The following LTBP2 variants were observed in gnomAD, a reference collection of about 807,000 sequenced individuals.
The protein encoded by LTBP2 is latent transforming growth factor beta binding protein 2.
Under a neutral mutation model 210.6 loss-of-function variants are expected in LTBP2, and 103 were observed. The ratio of observed to expected loss-of-function variants is 0.49; its 90% CI spans 0.42 to 0.58. The LOEUF (loss-of-function observed/expected upper bound fraction) is 0.58, where lower values mean the gene tolerates loss of function less well. Among genes scored for constraint, LTBP2 ranks in the 20% least tolerant of loss-of-function variants. LTBP2 has a pLI of 0.00. For synonymous variants in LTBP2, 1,007 were observed against 1,015.0 expected, an observed-to-expected ratio of 0.99 and a Z score of 0.15; for missense variants, 2,313 against 2,494.5, an observed-to-expected ratio of 0.93 and a Z score of 1.55.
intron 3 of LTBP2, among the ~76,000 whole-genome samples, chr14:74,556,595 C>T (rs2087732566): frequency 6.6e-6 from 1 of 152,242 alleles, no homozygotes; most frequent in Non-Finnish European, 1.5e-5. Context: ...CAGCTCACTG[C>T]GGCCTCTGCC....
chr14:74,564,505 C>T (rs957183373), intron 3 of LTBP2, among the ~76,000 whole-genome samples: 5 of 146,378 alleles, frequency 3.4e-5, no homozygotes, highest in African/African-American at 1.3e-4. Flanking sequence ...AGCAATTCTT[C>T]TGCCTCAGCC....
intron 17 of LTBP2, among the ~76,000 whole-genome samples, chr14:74,518,417 C>T (rs2087161912): frequency 6.6e-6 from 1 of 152,210 alleles, no homozygotes; most frequent in South Asian, 2.1e-4. Flanking sequence ...CTACCCTCGC[C>T]TAACCTCAGG....
At chr14:74,502,212 G>A (rs943157055) in intron 34 of LTBP2, among the ~76,000 whole-genome samples, 7 of 152,036 alleles carry the variant, frequency 4.6e-5, no homozygotes, top group East Asian at 1.9e-4. Context: ...TGTTTGGATC[G>A]CACCATTCAC....
At chr14:74,522,462 T>C (rs531570677) in intron 16 of LTBP2, among the ~76,000 whole-genome samples, 6 of 152,144 alleles carry the variant, frequency 3.9e-5, no homozygotes, top group Admixed American at 1.3e-4. Flanking sequence ...CAGTCCTGGG[T>C]GTGCTCTCCA....
At chr14:74,509,393 C>G (rs1360317231) in intron 21 of LTBP2, 30 bp from the exon 22 acceptor site, 1 of 1,612,198 alleles carries the variant, frequency 6.2e-7, no homozygotes, top group African/African-American at 1.3e-5. Flanking sequence ...GCCCGGGGAC[C>G]TAGGAGGGCT....
chr14:74,549,789 G>A, intron 8 of LTBP2, 74 bp downstream of exon 8: 1 of 1,290,378 alleles, frequency 7.7e-7, no homozygotes, highest in Non-Finnish European at 1.1e-6. Flanking sequence ...TCCTGGAGGG[G>A]AAACCCTGGC....
intron 34 of LTBP2, among the ~76,000 whole-genome samples, chr14:74,502,226 C>G (rs1037527000): frequency 1.3e-5 from 2 of 152,158 alleles, no homozygotes; most frequent in African/African-American, 2.4e-5. Context: ...CATTCACAAA[C>G]CGAGTCATCA....
chr14:74,588,097 T>A (rs1393333144), intron 2 of LTBP2, among the ~76,000 whole-genome samples: 1 of 152,228 alleles, frequency 6.6e-6, no homozygotes, highest in Non-Finnish European at 1.5e-5. Flanking sequence ...CACTTCCCCA[T>A]GCTGGACACC....
chr14:74,610,475 C>G (rs535764025), intron 1 of LTBP2, among the ~76,000 whole-genome samples: 1 of 152,326 alleles, frequency 6.6e-6, no homozygotes, highest in Admixed American at 6.5e-5. Context: ...CAGGACTAAA[C>G]CCAACTGGCA....
rs774273568 is a variant in LTBP2, at chr14:74,508,867, G to A, written c.3489C>T (p.Pro1163=). 12 of 1,613,646 alleles carry A rather than the reference G, an allele frequency of 7.4e-6. No individual in the cohort carries two copies. Among genetic ancestry groups the A allele is most frequent in the Non-Finnish European group, 9.3e-6 (11 of 1,179,966 alleles). The part of the protein sequence containing the change: ...NTVGSYQCLC[P]QGFQLANGTV... ...TGCCATTGGCCAGCTGGAAGCCCTGGGGACAGAGGCACTGGTAGGAGCCCA... is the reference window on the plus strand; with the variant it reads ...TGCCATTGGCCAGCTGGAAGCCCTGAGGACAGAGGCACTGGTAGGAGCCCA... The change falls in exon 23 of 36, where the codon CCC becomes CCT. Residue 1163 remains proline, a synonymous_variant. Coordinates refer to ENST00000261978, the MANE Select transcript of LTBP2 (RefSeq NM_000428.3).
At chr14:74,506,325 G>C in intron 27 of LTBP2, 134 bp from the exon 28 acceptor site, 1 of 1,222,056 alleles carries the variant, frequency 8.2e-7, no homozygotes. Context: ...TAGATTTGTA[G>C]GGAGGAGGAA....
chr14:74,522,164 G>C, intron 16 of LTBP2, 125 bp from the exon 17 acceptor site: 1 of 1,122,444 alleles, frequency 8.9e-7, no homozygotes, highest in Non-Finnish European at 1.3e-6. Flanking sequence ...AGGAAGGGGT[G>C]AGGGAGTGGA....
In LTBP2 at chr14:74,559,605, A is replaced by G. The variant is rs1283161149; in HGVS notation, c.831-3912T>C. On this transcript the variant is annotated intron_variant, in intron 3 of 35. Transcript: ENST00000261978. ...TGGTCTCCAATTGGTTACCACTGCCATCACCCCATAGAAGGGCACAGGCAG... is the reference window on the plus strand; with the variant it reads ...TGGTCTCCAATTGGTTACCACTGCCGTCACCCCATAGAAGGGCACAGGCAG... Among the ~76,000 whole-genome samples the G allele has an allele frequency of 1.3e-5, 2 of 152,106 alleles. 1 individual carries two copies. The highest frequency in any genetic ancestry group is 2.9e-5 in the Non-Finnish European group (2 of 68,026).
At chr14:74,547,070 C>T (rs2087586462) in intron 8 of LTBP2, among the ~76,000 whole-genome samples, 1 of 152,238 alleles carries the variant, frequency 6.6e-6, no homozygotes, top group Non-Finnish European at 1.5e-5. Context: ...ATCTCTGCAC[C>T]CCTGATGGGC....
intron 15 of LTBP2, 107 bp from the exon 16 acceptor site, chr14:74,523,025 G>T: frequency 7.5e-7 from 1 of 1,339,562 alleles, no homozygotes; most frequent in Non-Finnish European, 1.0e-6. Flanking sequence ...GCCTCAGAAG[G>T]CCAACCTTAG....
intron 3 of LTBP2, among the ~76,000 whole-genome samples, chr14:74,574,340 C>T (rs1478625621): frequency 6.6e-6 from 1 of 152,210 alleles, no homozygotes; most frequent in East Asian, 1.9e-4. Flanking sequence ...ACCACTAAGG[C>T]CATGATGAGC....
intron 1 of LTBP2, among the ~76,000 whole-genome samples, chr14:74,609,966 T>G (rs2088581918): frequency 6.6e-6 from 1 of 152,238 alleles, no homozygotes; most frequent in Non-Finnish European, 1.5e-5. Context: ...TAAGACTTGT[T>G]GAATGATCCT....
At chr14:74,538,088 G>A (rs1345197379) in intron 8 of LTBP2, among the ~76,000 whole-genome samples, 1 of 151,960 alleles carries the variant, frequency 6.6e-6, no homozygotes, top group Non-Finnish European at 1.5e-5. Context: ...ATGAATTCTT[G>A]CAAATACCAA....
At chr14:74,554,011 T>C (rs2087696928) in intron 4 of LTBP2, among the ~76,000 whole-genome samples, 1 of 145,928 alleles carries the variant, frequency 6.9e-6, no homozygotes, top group East Asian at 2.0e-4. Flanking sequence ...GGGAAAGGGC[T>C]GAGAGGGTGG....
Sources: gnomAD v4.1 joint callset for allele counts (sites outside exome capture counted in the v4.1 genomes callset) on GRCh38, gnomAD v4.1.1 for gene constraint, MANE v1.5 for transcripts, NCBI Gene and HGNC (gene_info 2026-07-23, HGNC 2026-07-21) for gene names.